ATP8A2: variants seen among roughly 807,000 people sequenced by gnomAD.
ATP8A2 encodes the protein phospholipid-transporting ATPase IB.
A neutral mutation model predicts 165.6 loss-of-function variants in ATP8A2; 100 were observed. The ratio of observed to expected loss-of-function variants is 0.60; its 90% confidence interval spans 0.51 to 0.71. ATP8A2 has a LOEUF of 0.71. ATP8A2 is among the 30% of genes least tolerant of loss of function. The pLI is 0.00. For missense variants in ATP8A2, 1,227 were observed against 1,479.5 expected, an observed-to-expected ratio of 0.83 and a Z score of 2.80; for synonymous variants, 543 against 548.8, an observed-to-expected ratio of 0.99 and a Z score of 0.15.
intron 1 of ATP8A2, among the ~76,000 whole-genome samples, chr13:25,419,366 C>T (rs912589): frequency 0.72 from 109,838 of 152,072 alleles, 40,035 homozygotes; most frequent in East Asian, 0.99. Flanking sequence ...AGGCTCATGG[C>T]TGAGGCCCCC....
intron 33 of ATP8A2, among the ~76,000 whole-genome samples, chr13:25,954,390 G>A (rs1955465786): frequency 6.6e-6 from 1 of 152,188 alleles, no homozygotes; most frequent in Non-Finnish European, 1.5e-5. Flanking sequence ...CCATCTCCCT[G>A]GGACAGAGCA....
chr13:25,380,054 A>C (rs549015578), intron 1 of ATP8A2, among the ~76,000 whole-genome samples: 13 of 152,310 alleles, frequency 8.5e-5, no homozygotes, highest in African/African-American at 3.1e-4. Context: ...CACAGCGATG[A>C]GTGAAGATTG....
chr13:25,646,671 A>AAAAAAC (rs10675043), intron 24 of ATP8A2, among the ~76,000 whole-genome samples: 15,280 of 123,904 alleles, frequency 0.12, 2,122 homozygotes, highest in Admixed American at 0.17. Flanking sequence ...AAAAAAAAAA[A>AAAAAAC]CACACAAAAG....
At chr13:25,558,164 A>G (rs1475231928) in intron 13 of ATP8A2, among the ~76,000 whole-genome samples, 2 of 152,168 alleles carry the variant, frequency 1.3e-5, no homozygotes, top group African/African-American at 4.8e-5. Flanking sequence ...GGCCTTCCAA[A>G]GTGCTGGGAT....
chr13:25,876,878 T>G (rs187023172), intron 33 of ATP8A2, among the ~76,000 whole-genome samples: 1 of 152,278 alleles, frequency 6.6e-6, no homozygotes, highest in East Asian at 1.9e-4. Flanking sequence ...TAATATAAAC[T>G]AATTGATTCT....
intron 1 of ATP8A2, among the ~76,000 whole-genome samples, chr13:25,444,471 T>G (rs2035017299): frequency 6.6e-6 from 1 of 152,176 alleles, no homozygotes; most frequent in South Asian, 2.1e-4. Context: ...CAAAAGAGTT[T>G]TCTAAAGTGG....
rs533010972 is a variant in ATP8A2, at chr13:25,477,983, A to T, written c.221+8862A>T. On this transcript the variant is annotated intron_variant, in intron 2 of 36. Transcript: ENST00000381655. Reference sequence around the variant, plus strand: ...ATTTTCTCAAACAAATCTTAAAATCAACTAGAAGTATCTGAGAGAATAGGA... The same window carrying T: ...ATTTTCTCAAACAAATCTTAAAATCTACTAGAAGTATCTGAGAGAATAGGA... Among the ~76,000 whole-genome samples the T allele has an allele frequency of 4.6e-5, 7 of 152,302 alleles. No individual in the cohort carries two copies. The East Asian group carries it at 1.3e-3, about 29-fold the overall frequency.
chr13:25,897,481 CA>C (rs1205744875), intron 33 of ATP8A2, among the ~76,000 whole-genome samples: 1 of 134,968 alleles, frequency 7.4e-6, no homozygotes, highest in Non-Finnish European at 1.5e-5. Flanking sequence ...TCCTTCATTT[CA>C]ACTTTTGGTG....
At chr13:25,533,390 A>G (rs2038178330) in intron 6 of ATP8A2, 77 bp downstream of exon 6, 1 of 831,416 alleles carries the variant, frequency 1.2e-6, no homozygotes, top group Non-Finnish European at 2.0e-6. Context: ...TGATTGCAGT[A>G]TAAAGTTTCT....
At chr13:25,512,139 C>G (rs9581367) in intron 2 of ATP8A2, among the ~76,000 whole-genome samples, 1 of 150,404 alleles carries the variant, frequency 6.6e-6, no homozygotes, top group Non-Finnish European at 1.5e-5. Flanking sequence ...CATCTTGCAC[C>G]GCCCTTAATC....
chr13:25,997,865 A>G (rs1162802716), intron 35 of ATP8A2, among the ~76,000 whole-genome samples: 1 of 151,672 alleles, frequency 6.6e-6, no homozygotes, highest in African/African-American at 2.4e-5. Flanking sequence ...CATTTTTACC[A>G]TGGCTACTTT....
chr13:25,690,127 GA>G (rs1418710523), intron 24 of ATP8A2, among the ~76,000 whole-genome samples: 9 of 128,244 alleles, frequency 7.0e-5, no homozygotes, highest in African/African-American at 2.6e-4. Context: ...AATATTTTCA[GA>G]GTTTTTTTTT....
chr13:25,440,128 A>T (rs560584684), intron 1 of ATP8A2, among the ~76,000 whole-genome samples: 1 of 150,274 alleles, frequency 6.7e-6, no homozygotes, highest in East Asian at 2.0e-4. Flanking sequence ...GATGCAGGTC[A>T]GCAGAAAGAG....
intron 27 of ATP8A2, among the ~76,000 whole-genome samples, chr13:25,795,943 T>A (rs1005076977): frequency 6.6e-6 from 1 of 152,014 alleles, no homozygotes; most frequent in Non-Finnish European, 1.5e-5. Flanking sequence ...AGCATTTCAC[T>A]AACATATCTT....
chr13:25,474,386 C>G (rs149724150), intron 2 of ATP8A2, among the ~76,000 whole-genome samples: 10 of 151,718 alleles, frequency 6.6e-5, no homozygotes, highest in African/African-American at 2.4e-4. Context: ...ATGGTGAAAC[C>G]CCGTCTCTAC....
rs148214979 is a variant in ATP8A2 at position 25,537,991 on chromosome 13, G to T, written c.511G>T (p.Ala171Ser). The change falls in exon 7 of 37, where the codon GCA becomes TCA. Residue 171 changes from alanine to serine, a missense_variant. Physicochemically the swap from Ala to Ser is moderately conservative, Grantham distance 99 (BLOSUM62 1). Transcript: ENST00000381655. ...GTCCTCATCCCTGTCTCTCTAGGTG[G>T]CAGTGGGAGACATTGTGAAGGTCGT... ...MWHTIMWKEV[A>S]VGDIVKVVNG... 4 of 1,611,596 alleles carry T rather than the reference G, an allele frequency of 2.5e-6. No homozygotes were observed. Among genetic ancestry groups the T allele is most frequent in the Non-Finnish European group, 3.4e-6 (4 of 1,177,910 alleles).
chr13:25,925,495 A>G (rs1365924838), intron 33 of ATP8A2, among the ~76,000 whole-genome samples: 3 of 44,700 alleles, frequency 6.7e-5, no homozygotes, highest in Non-Finnish European at 1.0e-4. Flanking sequence ...AGATCGCGCC[A>G]CTTACACTCC....
chr13:25,886,047 C>T (rs562039366), intron 33 of ATP8A2, among the ~76,000 whole-genome samples: 110 of 152,274 alleles, frequency 7.2e-4, no homozygotes, highest in Middle Eastern at 3.4e-3. Context: ...AGATGTTGTA[C>T]TTCTGCTGAT....
At chr13:25,632,541 C>T (rs919721411) in intron 24 of ATP8A2, among the ~76,000 whole-genome samples, 1 of 152,172 alleles carries the variant, frequency 6.6e-6, no homozygotes, top group Non-Finnish European at 1.5e-5. Flanking sequence ...AGAGCAAATA[C>T]ATATTTCACA....
Sources: allele counts gnomAD v4.1 joint callset (sites outside exome capture counted in the v4.1 genomes callset), GRCh38; gene constraint gnomAD v4.1.1; transcripts MANE v1.5; gene names NCBI Gene and HGNC (gene_info 2026-07-23, HGNC 2026-07-21).